TMEM116: variants seen among roughly 807,000 people sequenced by gnomAD.
TMEM116 encodes the protein transmembrane protein 116.
TMEM116 carries 38 observed loss-of-function variants against 44.3 expected under a neutral mutation model. The ratio of observed to expected loss-of-function variants is 0.86; its 90% CI spans 0.66 to 1.12. TMEM116 has a LOEUF of 1.12. TMEM116 is among the 50% of genes most tolerant of loss of function. The pLI is 0.00. For synonymous variants in TMEM116, 132 were observed against 144.8 expected (o/e 0.91, Z 0.64); for missense variants, 354 against 401.7 (o/e 0.88, Z 1.01).
chr12:111,960,744 C>A (rs753021609), intron 4 of TMEM116, among the ~76,000 whole-genome samples: 4 of 151,970 alleles, frequency 2.6e-5, no homozygotes, highest in African/African-American at 9.7e-5. Flanking sequence ...TAAATCAACA[C>A]CCTAATATCA....
intron 4 of TMEM116, among the ~76,000 whole-genome samples, chr12:111,945,918 T>G (rs1259210843): frequency 6.6e-6 from 1 of 152,228 alleles, no homozygotes; most frequent in Non-Finnish European, 1.5e-5. Flanking sequence ...AAATGAGATA[T>G]TCAACACTTT....
Position 111,959,549 on chromosome 12 carries a change from G to A in TMEM116, c.211-16180C>T, listed in dbSNP as rs149984158. ...ATGCCCCAATTAAAAGACACAGACC[G>A]GCAAATTGGATAAAGAGTCAAGACC... is the stretch of plus-strand genomic sequence containing the variant. On this transcript the variant is annotated intron_variant, in intron 4 of 10. Coordinates refer to ENST00000552374, the MANE Select transcript of TMEM116 (RefSeq NM_001193531.2). Among the ~76,000 whole-genome samples the A allele has an allele frequency of 1.7e-4, 26 of 152,196 alleles. No homozygotes were observed. The East Asian group carries it at 3.9e-3, about 23-fold the overall frequency.
intron 4 of TMEM116, among the ~76,000 whole-genome samples, chr12:111,955,695 A>G (rs2074037628): frequency 6.6e-6 from 1 of 152,234 alleles, no homozygotes; most frequent in Non-Finnish European, 1.5e-5. Flanking sequence ...TGCACTGCAT[A>G]ACAACATTTC....
intron 5 of TMEM116, among the ~76,000 whole-genome samples, chr12:111,938,728 C>G (rs1347003865): frequency 2.6e-5 from 4 of 152,158 alleles, no homozygotes; most frequent in African/African-American, 9.7e-5. Flanking sequence ...CTGTTAGACA[C>G]TACACGATAG....
chr12:111,977,521 A>C (rs1443958139), intron 4 of TMEM116, among the ~76,000 whole-genome samples: 4 of 152,186 alleles, frequency 2.6e-5, no homozygotes, highest in Admixed American at 2.6e-4. Context: ...ACAAACAAAA[A>C]CTATCACCAA....
intron 5 of TMEM116, among the ~76,000 whole-genome samples, chr12:111,940,519 A>ATGTGTG (rs1162947796): frequency 3.6e-5 from 4 of 110,644 alleles, no homozygotes; most frequent in South Asian, 3.5e-4. Flanking sequence ...ACACATATAT[A>ATGTGTG]TGTGTATATA....
chr12:111,933,293 T>C (rs2071811544), intron 9 of TMEM116, among the ~76,000 whole-genome samples: 1 of 151,766 alleles, frequency 6.6e-6, no homozygotes. Context: ...CCTTATGTAG[T>C]AGGAAGGGCA....
intron 4 of TMEM116, among the ~76,000 whole-genome samples, chr12:111,958,277 T>TAACAAAAA (rs1491480651): frequency 1.8e-4 from 5 of 27,520 alleles, no homozygotes; most frequent in African/African-American, 5.4e-4. Flanking sequence ...CAATAAATAC[T>TAACAAAAA]AAAAAAAAAA....
chr12:111,957,291 G>A (rs1282404877), intron 4 of TMEM116, among the ~76,000 whole-genome samples: 9 of 151,924 alleles, frequency 5.9e-5, no homozygotes, highest in African/African-American at 2.2e-4. Flanking sequence ...TCCCGTCTGG[G>A]AACTGAGGAG....
Position 111,949,013 on chromosome 12 carries a change from G to A in TMEM116, c.211-5644C>T, listed in dbSNP as rs532559517. Among the ~76,000 whole-genome samples the A allele has an allele frequency of 1.5e-3, 229 of 151,922 alleles. 1 individual carries two copies. Among genetic ancestry groups the A allele is most frequent in the South Asian group, 2.3e-3 (11 of 4,812 alleles). On this transcript the variant is annotated intron_variant, in intron 4 of 10. Coordinates refer to ENST00000552374, the MANE Select transcript of TMEM116 (RefSeq NM_001193531.2). ...CAGGAGGCTGAGGTGGTGGGGTGGC[G>A]GGGGTGGCGGGGGTTGCTTGAGCTT...
At chr12:111,943,514 AC>A in intron 4 of TMEM116, 145 bp from the exon 5 acceptor site, 1 of 636,518 alleles carries the variant, frequency 1.6e-6, no homozygotes, top group Non-Finnish European at 2.7e-6. Flanking sequence ...ACCAGGCAAA[AC>A]CATACCAAGT....
chr12:111,931,741 A>G lies in TMEM116; in HGVS notation c.894T>C (p.Ala298=). ...GTGTCTGGGTATCTGCATCACGCCGAGCCTCCTGCTTTAGTTGGTGGAATT... is the reference window on the plus strand; with the variant it reads ...GTGTCTGGGTATCTGCATCACGCCGGGCCTCCTGCTTTAGTTGGTGGAATT... The part of the protein sequence containing the change: ...QHKFHQLKQE[A]RRDADTQTPL... Residue 298 remains alanine, a synonymous_variant, in exon 11 of 11, where the codon GCT becomes GCC. Coordinates refer to ENST00000552374, the MANE Select transcript of TMEM116 (RefSeq NM_001193531.2). The G allele has an allele frequency of 1.2e-6, 2 of 1,611,594 alleles. No individual in the cohort carries two copies. The highest frequency in any genetic ancestry group is 1.7e-6 in the Non-Finnish European group (2 of 1,178,882).
At chr12:111,960,567 C>A (rs1237969376) in intron 4 of TMEM116, among the ~76,000 whole-genome samples, 1 of 150,824 alleles carries the variant, frequency 6.6e-6, no homozygotes, top group African/African-American at 2.4e-5. Context: ...CAACCTGCTC[C>A]TGAATGACTA....
At chr12:111,958,309 TA>T (rs2074316205) in intron 4 of TMEM116, among the ~76,000 whole-genome samples, 2 of 46,848 alleles carry the variant, frequency 4.3e-5, no homozygotes, top group Admixed American at 2.0e-4. Flanking sequence ...AAAAAAAAAA[TA>T]GGAGGCCCAC....
At chr12:111,988,118 G>A (rs1198039502) in intron 4 of TMEM116, among the ~76,000 whole-genome samples, 2 of 152,198 alleles carry the variant, frequency 1.3e-5, no homozygotes, top group African/African-American at 4.8e-5. Context: ...GGTACCTAGA[G>A]TAGTTGAATT....
chr12:111,937,951 A>G, intron 6 of TMEM116: 1 of 357,286 alleles, frequency 2.8e-6, no homozygotes, highest in Middle Eastern at 3.8e-4. Context: ...GTAGATTTGG[A>G]GCTAAAACCC....
At chr12:111,993,468 C>A in intron 3 of TMEM116, 1 of 557,424 alleles carries the variant, frequency 1.8e-6, no homozygotes, top group Non-Finnish European at 3.6e-6. Flanking sequence ...CTCTGGTGCA[C>A]ATCACTGTAT....
intron 1 of TMEM116, chr12:112,005,553 A>C: frequency 2.1e-6 from 1 of 482,156 alleles, no homozygotes; most frequent in Non-Finnish European, 2.9e-6. Context: ...TGTGGATTGA[A>C]AAATGACTAA....
At position 111,937,165 on chromosome 12, in the gene TMEM116, G is replaced by A. The variant is rs537727090; in HGVS notation, c.444C>T (p.Ser148=). 1.3e-5 allele frequency: 21 copies of A among 1,611,292 alleles called. 1 individual carries two copies. In the African/African-American group the frequency reaches 1.5e-4, roughly 11 times the overall value. Reference sequence around the variant, plus strand: ...TACATTTAGTTCTTACTTACTTGTGGCTCTGACTGAAGTTTTGGAAACATT... The same window carrying A: ...TACATTTAGTTCTTACTTACTTGTGACTCTGACTGAAGTTTTGGAAACATT... ...TSECFQNFSQ[S]HKCILMHSPP... is the part of the protein sequence containing the mutation. The change falls in exon 7 of 11, where the codon AGC becomes AGT. Residue 148 remains serine (S), a synonymous_variant. Transcript: ENST00000552374.
Sources: allele counts gnomAD v4.1 joint callset (sites outside exome capture counted in the v4.1 genomes callset), GRCh38; gene constraint gnomAD v4.1.1; transcripts MANE v1.5; gene names NCBI Gene and HGNC (gene_info 2026-07-23, HGNC 2026-07-21).